Variants in LPA observed in about 807,000 individuals in gnomAD.
LPA encodes the protein apolipoprotein(a).
LPA carries 199 observed loss-of-function variants against 197.9 expected under a neutral mutation model. That is an observed-to-expected ratio of 1.01 (90% confidence interval 0.90 to 1.13). LPA has a LOEUF of 1.13. LPA is among the 50% of genes most tolerant of loss of function. The pLI is 0.00. For synonymous variants in LPA, 715 were observed against 639.5 expected (o/e 1.12, Z -1.78); for missense variants, 1,853 against 1,785.8 (o/e 1.04, Z -0.68).
At chr6:160,594,140 CA>C in intron 21 of LPA, 23 bp from the exon 22 acceptor site, 1 of 1,613,508 alleles carries the variant, frequency 6.2e-7, no homozygotes, top group Non-Finnish European at 8.5e-7. Context: ...GAGGAGAAAT[CA>C]AGCTGAGTAA....
intron 21 of LPA, among the ~76,000 whole-genome samples, chr6:160,594,942 C>T (rs1206394209): frequency 3.9e-5 from 6 of 152,228 alleles, no homozygotes; most frequent in African/African-American, 7.2e-5. Flanking sequence ...ACTCAAAAAC[C>T]GCATTCCTCC....
At chr6:160,555,436 C>CATATATATATAT (rs770158265) in intron 30 of LPA, among the ~76,000 whole-genome samples, 1,561 of 121,854 alleles carry the variant, frequency 0.013, 23 homozygotes, top group African/African-American at 0.033. Context: ...TTCCCTAGAA[C>CATATATATATAT]ATATATATAT....
intron 32 of LPA, 45 bp downstream of exon 32, chr6:160,547,744 G>T: frequency 6.2e-7 from 1 of 1,613,310 alleles, no homozygotes; most frequent in Non-Finnish European, 8.5e-7. Context: ...TGTTTGAAAA[G>T]ATTTGTCAGC....
Position 160,558,176 on chromosome 6 carries a change from C to T in LPA, c.4632-605G>A, listed in dbSNP as rs1164174026. Reference sequence around the variant, plus strand: ...CCTCGTGATCCACCCACCTCGGCCTCCCAAAGTGCTGGGATTACAGGTGTG... The same window carrying T: ...CCTCGTGATCCACCCACCTCGGCCTTCCAAAGTGCTGGGATTACAGGTGTG... On this transcript the variant is annotated intron_variant, in intron 28 of 38. Transcript: ENST00000316300. Among the ~76,000 whole-genome samples the T allele has an allele frequency of 2.6e-5, 4 of 152,152 alleles. No homozygotes were observed. In the East Asian group the frequency reaches 5.8e-4, roughly 22 times the overall value.
rs200436229 is a variant in LPA at position 160,585,100 on chromosome 6, C to A, written c.4235G>T (p.Trp1412Leu). 7.4e-6 allele frequency: 12 copies of A among 1,613,668 alleles called. No homozygotes were observed. Among genetic ancestry groups the A allele is most frequent in the African/African-American group, 1.3e-5 (1 of 74,860 alleles). ...ATGCCAATGTGGTGTCATAGACGAC[C>A]AAGACTGACATGTTCTTCCTGTGAT... Reference protein sequence around the residue: ...TTITGRTCQSWSSMTPHWHRR... With the variant: ...TTITGRTCQSLSSMTPHWHRR... The change falls in exon 26 of 39, where the codon TGG becomes TTG. Residue 1412 changes from tryptophan (W) to leucine (L), a missense_variant. This residue lies in a region of LPA where 1,737 missense variants were observed against 1,504.4 expected (regional missense o/e 1.15). Coordinates refer to ENST00000316300, the MANE Select transcript of LPA (RefSeq NM_005577.4).
chr6:160,545,344 A>C, intron 33 of LPA, 96 bp downstream of exon 33: 2 of 889,162 alleles, frequency 2.2e-6, no homozygotes, highest in Non-Finnish European at 1.8e-6. Flanking sequence ...CCCCAGAAGC[A>C]CTCAGCTCAA....
At chr6:160,577,404 C>A (rs1778705247) in intron 27 of LPA, 109 bp from the exon 28 acceptor site, 1 of 976,590 alleles carries the variant, frequency 1.0e-6, no homozygotes. Context: ...TATTACTATT[C>A]TTTTTTCTAC....
intron 1 of LPA, among the ~76,000 whole-genome samples, chr6:160,662,248 A>G (rs1780239082): frequency 6.6e-6 from 1 of 152,218 alleles, no homozygotes. Context: ...TATAGGCAAA[A>G]TGTAGATGTA....
At chr6:160,586,416 G>C in intron 25 of LPA, 33 bp downstream of exon 25, 1 of 1,610,412 alleles carries the variant, frequency 6.2e-7, no homozygotes, top group Non-Finnish European at 8.5e-7. Flanking sequence ...CCCAATGTCC[G>C]AGGGTATGGT....
At chr6:160,656,014 T>C (rs377363621) in intron 1 of LPA, among the ~76,000 whole-genome samples, 1 of 152,204 alleles carries the variant, frequency 6.6e-6, no homozygotes, top group African/African-American at 2.4e-5. Context: ...AATGGCTGCA[T>C]ACCAGGCACC....
intron 2 of LPA, among the ~76,000 whole-genome samples, chr6:160,647,368 A>G (rs772071930): frequency 5.9e-5 from 9 of 152,186 alleles, no homozygotes; most frequent in Non-Finnish European, 1.0e-4. Context: ...ACCTCTCAGT[A>G]TCCTCACATT....
chr6:160,578,501 T>G (rs1373790876), intron 27 of LPA, 22 bp downstream of exon 27: 1 of 1,613,466 alleles, frequency 6.2e-7, no homozygotes, highest in African/African-American at 1.3e-5. Context: ...AGTATATAGA[T>G]GTCTAACCAC....
In LPA at chr6:160,589,514, G is replaced by C. The variant is rs41267815; in HGVS notation, c.3947+39C>G. The C allele has an allele frequency of 5.7e-3, 9,225 of 1,608,700 alleles. 37 individuals carry two copies. The highest frequency in any genetic ancestry group is 6.8e-3 in the Non-Finnish European group (7,952 of 1,176,850). ...TGGCTCTTCCAGGAGAAATTTAAGT[G>C]GGTGGCTGTTTCTCTTGGGAGAAAA... On this transcript the variant is annotated intron_variant, in intron 24 of 38. Coordinates refer to ENST00000316300, the MANE Select transcript of LPA (RefSeq NM_005577.4).
intron 26 of LPA, among the ~76,000 whole-genome samples, chr6:160,581,054 C>A (rs573439967): frequency 6.6e-6 from 1 of 151,856 alleles, no homozygotes; most frequent in Admixed American, 6.6e-5. Flanking sequence ...TTAGCTGTTA[C>A]ATTGAGGTCT....
intron 28 of LPA, among the ~76,000 whole-genome samples, chr6:160,576,396 A>ATATACATATATATATATATATGTG (rs1583590589): frequency 1.1e-4 from 5 of 46,940 alleles, no homozygotes; most frequent in South Asian, 1.6e-3. Context: ...ATATGTATAT[A>ATATACATATATATATATATATGTG]TATATATATA....
At chr6:160,585,587 T>G (rs1450008181) in intron 25 of LPA, among the ~76,000 whole-genome samples, 1 of 152,066 alleles carries the variant, frequency 6.6e-6, no homozygotes, top group Non-Finnish European at 1.5e-5. Context: ...GGTGATTGGC[T>G]GTTAGTGGGG....
At position 160,600,969 on chromosome 6, in the gene LPA, G is replaced by A. The variant is rs368224832; in HGVS notation, c.3075C>T (p.Phe1025=). The A allele has an allele frequency of 1.4e-4, 227 of 1,613,750 alleles. No individual in the cohort carries two copies. In the African/African-American group the frequency reaches 2.4e-3, roughly 17 times the overall value. Reference sequence around the variant, plus strand: ...GAGCCAGAATAACATTCGGAGGGACGAAGGCAGTCCATTCTGCATCTGAGC... The same window carrying A: ...GAGCCAGAATAACATTCGGAGGGACAAAGGCAGTCCATTCTGCATCTGAGC... ...TRCSDAEWTA[F]VPPNVILAPS... is the part of the protein sequence containing the mutation. The change falls in exon 19 of 39, where the codon TTC becomes TTT. Residue 1025 remains phenylalanine, a synonymous_variant. Coordinates refer to ENST00000316300, the MANE Select transcript of LPA (RefSeq NM_005577.4).
chr6:160,556,065 G>A lies in LPA; in HGVS notation c.4933C>T (p.Pro1645Ser). 6.2e-7 allele frequency: 1 copy of A among 1,612,940 alleles called. No individual in the cohort carries two copies. The highest frequency in any genetic ancestry group is 1.1e-5 in the South Asian group (1 of 91,044). The change falls in exon 30 of 39, where the codon CCA becomes TCA. Residue 1645 changes from proline to serine, a missense_variant. By Grantham distance (74) the Pro-to-Ser change is moderately conservative. Transcript: ENST00000316300. ...TCTGGGGTCCTCTGATGCCGGTGTG[G>A]TGTCATGGATGACCAAGATTGACAT... The part of the protein sequence containing the change: ...RTCQSWSSMT[P>S]HRHQRTPENY...
At position 160,559,333 on chromosome 6, in the gene LPA, C is replaced by T. The variant is rs542202445; in HGVS notation, c.4632-1762G>A. Among the ~76,000 whole-genome samples, 6 of 152,312 alleles carry T rather than the reference C, an allele frequency of 3.9e-5. No individual in the cohort carries two copies. In the East Asian group the frequency reaches 1.2e-3, roughly 29 times the overall value. ...CTTTCCTGAGTATATTTTTGAGCTC[C>T]ATCCATGCTATTTAAGATACTCAGT... On this transcript the variant is annotated intron_variant, in intron 28 of 38. Coordinates refer to ENST00000316300, the MANE Select transcript of LPA (RefSeq NM_005577.4).
Sources: gnomAD v4.1 joint callset for allele counts (sites outside exome capture counted in the v4.1 genomes callset) on GRCh38, gnomAD v4.1.1 for gene constraint, gnomAD v4.1.1 regional missense constraint, MANE v1.5 for transcripts, NCBI Gene and HGNC (gene_info 2026-07-23, HGNC 2026-07-21) for gene names.